Variants in POU6F2 observed in about 807,000 individuals in gnomAD.
POU6F2 encodes POU class 6 homeobox 2, also known as POU domain, class 6, transcription factor 2.
A neutral mutation model predicts 71.3 loss-of-function variants in POU6F2; 31 were observed. The observed-to-expected ratio is 0.43, with a 90% CI of 0.33 to 0.59. The LOEUF is 0.59. Among genes scored for constraint, POU6F2 ranks in the 20% least tolerant of loss-of-function variants. POU6F2 has a pLI of 0.04. For missense variants in POU6F2, 783 were observed against 856.8 expected (o/e 0.91, Z 1.07); for synonymous variants, 347 against 355.7 (o/e 0.98, Z 0.27).
At chr7:39,410,270 C>T (rs1787526419) in intron 6 of POU6F2, among the ~76,000 whole-genome samples, 1 of 152,198 alleles carries the variant, frequency 6.6e-6, no homozygotes, top group African/African-American at 2.4e-5. Flanking sequence ...GATTGTGCCA[C>T]TGCACTCCAG....
chr7:39,068,252 A>C (rs1790800851), intron 1 of POU6F2, among the ~76,000 whole-genome samples: 1 of 152,168 alleles, frequency 6.6e-6, no homozygotes, highest in Non-Finnish European at 1.5e-5. Flanking sequence ...TAAGAGGAGA[A>C]ATTCTAATAC....
chr7:39,397,731 G>T (rs1275932551), intron 5 of POU6F2, among the ~76,000 whole-genome samples: 2 of 149,336 alleles, frequency 1.3e-5, no homozygotes, highest in East Asian at 2.0e-4. Context: ...GACCTCAGGT[G>T]ATCCACCCGC....
At chr7:39,327,711 A>C (rs1489007151) in intron 4 of POU6F2, among the ~76,000 whole-genome samples, 2 of 151,846 alleles carry the variant, frequency 1.3e-5, no homozygotes, top group African/African-American at 4.8e-5. Context: ...CTGTGTACAT[A>C]TATATATAGA....
Position 39,427,140 on chromosome 7 carries a change from A to G in POU6F2, c.1114-5937A>G, listed in dbSNP as rs751436541. ...GCATGTAAATAAAATTAAGCTACGA[A>G]TGACCATTTATTATTGAACACTTAT... On this transcript the variant is annotated intron_variant, in intron 6 of 9. Coordinates refer to ENST00000518318, the MANE Select transcript of POU6F2 (RefSeq NM_001370959.1). Among the ~76,000 whole-genome samples the G allele has an allele frequency of 1.7e-4, 26 of 152,362 alleles. No homozygotes were observed. In the Middle Eastern group the frequency reaches 0.014, roughly 80 times the overall value.
intron 5 of POU6F2, among the ~76,000 whole-genome samples, chr7:39,393,529 T>C (rs998249225): frequency 1.3e-5 from 2 of 152,142 alleles, no homozygotes; most frequent in African/African-American, 4.8e-5. Context: ...CATTTTCTTC[T>C]CCCTATAGTT....
intron 5 of POU6F2, among the ~76,000 whole-genome samples, chr7:39,392,875 C>A (rs1787102420): frequency 6.6e-6 from 1 of 152,186 alleles, no homozygotes; most frequent in African/African-American, 2.4e-5. Context: ...TCAATAGTCA[C>A]AGGATTGCCA....
intron 1 of POU6F2, among the ~76,000 whole-genome samples, chr7:38,989,133 C>G (rs1307900838): frequency 6.6e-6 from 1 of 152,034 alleles, no homozygotes; most frequent in Non-Finnish European, 1.5e-5. Context: ...AACTTTGAGG[C>G]TAGGAGCCAC....
intron 6 of POU6F2, among the ~76,000 whole-genome samples, chr7:39,420,852 T>G (rs1056361073): frequency 6.6e-6 from 1 of 152,166 alleles, no homozygotes; most frequent in Non-Finnish European, 1.5e-5. Context: ...ATGCCAAAAT[T>G]CATGCTATCA....
intron 4 of POU6F2, among the ~76,000 whole-genome samples, chr7:39,219,687 C>T (rs1794310516): frequency 6.6e-6 from 1 of 152,114 alleles, no homozygotes; most frequent in African/African-American, 2.4e-5. Context: ...TATCTCCTCC[C>T]AACTGTGCTT....
At chr7:38,980,260 G>T (rs1420445043) in intron 1 of POU6F2, among the ~76,000 whole-genome samples, 1 of 152,114 alleles carries the variant, frequency 6.6e-6, no homozygotes, top group Non-Finnish European at 1.5e-5. Flanking sequence ...TGTGCTGAAG[G>T]TTGTAAACAT....
chr7:39,105,756 T>G (rs1474041346), intron 2 of POU6F2, among the ~76,000 whole-genome samples: 1 of 152,194 alleles, frequency 6.6e-6, no homozygotes, highest in African/African-American at 2.4e-5. Flanking sequence ...AAGTTTTTAT[T>G]AACAGAAAAA....
chr7:39,181,323 T>G (rs760414806), intron 2 of POU6F2, among the ~76,000 whole-genome samples: 4 of 152,190 alleles, frequency 2.6e-5, no homozygotes, highest in Non-Finnish European at 5.9e-5. Context: ...CAATGTTCTT[T>G]GGCCACCTCA....
At chr7:39,086,238 C>T (rs1339332002) in intron 2 of POU6F2, among the ~76,000 whole-genome samples, 2 of 152,220 alleles carry the variant, frequency 1.3e-5, no homozygotes, top group East Asian at 1.9e-4. Context: ...GGAACTTATT[C>T]GCTGCCCATT....
chr7:39,416,068 A>G (rs1248978390), intron 6 of POU6F2, among the ~76,000 whole-genome samples: 1 of 136,076 alleles, frequency 7.3e-6, no homozygotes, highest in South Asian at 2.4e-4. Flanking sequence ...TGCTCTGTCA[A>G]CCTCACAGAT....
At chr7:39,361,122 A>G (rs537563986) in intron 5 of POU6F2, among the ~76,000 whole-genome samples, 4 of 152,320 alleles carry the variant, frequency 2.6e-5, no homozygotes, top group Admixed American at 6.5e-5. Context: ...CTCACTGTCT[A>G]TTTGTAGGTG....
At chr7:39,041,556 G>A (rs1790193885) in intron 1 of POU6F2, among the ~76,000 whole-genome samples, 1 of 151,632 alleles carries the variant, frequency 6.6e-6, no homozygotes, top group African/African-American at 2.4e-5. Flanking sequence ...TATCTGTAAG[G>A]TTAACCACTT....
intron 4 of POU6F2, among the ~76,000 whole-genome samples, chr7:39,231,711 C>G (rs1047084504): frequency 1.3e-5 from 2 of 152,186 alleles, no homozygotes; most frequent in Non-Finnish European, 2.9e-5. Flanking sequence ...TGCATGTTCT[C>G]TCTTCCTTCG....
intron 1 of POU6F2, among the ~76,000 whole-genome samples, chr7:39,043,638 A>G (rs1413916622): frequency 2.0e-5 from 3 of 152,012 alleles, no homozygotes; most frequent in African/African-American, 4.8e-5. Context: ...TTTTATGACC[A>G]GTAAAGAACA....
intron 2 of POU6F2, among the ~76,000 whole-genome samples, chr7:39,141,161 C>A (rs1009088124): frequency 6.6e-6 from 1 of 152,150 alleles, no homozygotes; most frequent in African/African-American, 2.4e-5. Flanking sequence ...TTTTTGTGTT[C>A]TCTTCCTTTT....
Sources: allele counts gnomAD v4.1 joint callset (sites outside exome capture counted in the v4.1 genomes callset), GRCh38; gene constraint gnomAD v4.1.1; transcripts MANE v1.5; gene names NCBI Gene and HGNC (gene_info 2026-07-23, HGNC 2026-07-21).